Variants in NCOA2 observed in about 807,000 individuals in gnomAD.
NCOA2 encodes nuclear receptor coactivator 2, also known as class E basic helix-loop-helix protein 75.
In NCOA2, 21 loss-of-function variants were observed where a neutral mutation model predicts 145.1. The observed-to-expected ratio is 0.14, with a 90% CI of 0.10 to 0.21. NCOA2 has a LOEUF of 0.21. Ranked by LOEUF, NCOA2 falls within the 10% of genes least tolerant of loss-of-function variation. The pLI is 1.00. For missense variants in NCOA2, 1,472 were observed against 1,837.6 expected, an observed-to-expected ratio of 0.80 and a Z score of 3.64; for synonymous variants, 619 against 637.5, an observed-to-expected ratio of 0.97 and a Z score of 0.44.
Position 70,143,921 on chromosome 8 carries a change from C to T in NCOA2, c.2812+721G>A, listed in dbSNP as rs114489241. Among the ~76,000 whole-genome samples the T allele has an allele frequency of 5.9e-3, 893 of 152,306 alleles. 5 individuals carry two copies. The highest frequency in any genetic ancestry group is 0.02 in the African/African-American group (831 of 41,560). Reference sequence around the variant, plus strand: ...CTATATCCATAATAAAAATATGTTACAGGGTACAGGATGTGGATGTGGTGG... The same window carrying T: ...CTATATCCATAATAAAAATATGTTATAGGGTACAGGATGTGGATGTGGTGG... On this transcript the variant is annotated intron_variant, in intron 13 of 22. Transcript: ENST00000452400.
At chr8:70,235,782 T>C (rs1224350386) in intron 2 of NCOA2, among the ~76,000 whole-genome samples, 3 of 152,168 alleles carry the variant, frequency 2.0e-5, no homozygotes, top group Non-Finnish European at 2.9e-5. Flanking sequence ...AGATCAAGGC[T>C]GCAGTGAACT....
intron 1 of NCOA2, among the ~76,000 whole-genome samples, chr8:70,336,940 G>A (rs1169846384): frequency 1.3e-5 from 2 of 152,090 alleles, no homozygotes; most frequent in Non-Finnish European, 2.9e-5. Context: ...CATGTGAAGA[G>A]GGGAGAGGAC....
chr8:70,299,060 A>C (rs1362398455), intron 1 of NCOA2, among the ~76,000 whole-genome samples: 1 of 152,162 alleles, frequency 6.6e-6, no homozygotes, highest in Non-Finnish European at 1.5e-5. Flanking sequence ...ACTCCAACTC[A>C]AAAAACAAAC....
chr8:70,128,834 G>A lies in NCOA2; in HGVS notation c.3471C>T (p.His1157=). ...CATAACTAGGCCGCTGTCCCATGGT[G>A]TGAAAGTTTGGATCTTGCATGGGAG... ...SYSPMQDPNF[H]TMGQRPSYAT... Residue 1157 remains histidine, a synonymous_variant, in exon 17 of 23, where the codon CAC becomes CAT. Transcript: ENST00000452400. 2.5e-6 allele frequency: 4 copies of A among 1,614,044 alleles called. No individual in the cohort carries two copies. The highest frequency in any genetic ancestry group is 2.5e-6 in the Non-Finnish European group (3 of 1,179,900).
chr8:70,160,667 G>GAGAGAGAGAGAA (rs1038729882), intron 9 of NCOA2, among the ~76,000 whole-genome samples: 1 of 145,862 alleles, frequency 6.9e-6, no homozygotes, highest in Non-Finnish European at 1.5e-5. Context: ...GACAGAGAGA[G>GAGAGAGAGAGAA]AGAGAGAGAG....
At chr8:70,168,250 G>GA (rs762341054) in intron 6 of NCOA2, among the ~76,000 whole-genome samples, 3 of 152,202 alleles carry the variant, frequency 2.0e-5, no homozygotes, top group Non-Finnish European at 2.9e-5. Flanking sequence ...GAAAATTACA[G>GA]AAAAACCCAT....
chr8:70,119,264 T>C (rs1256303113), intron 22 of NCOA2, among the ~76,000 whole-genome samples: 1 of 152,222 alleles, frequency 6.6e-6, no homozygotes, highest in African/African-American at 2.4e-5. Flanking sequence ...TCTACTTCCA[T>C]GTGAACAAAT....
intron 2 of NCOA2, among the ~76,000 whole-genome samples, chr8:70,227,069 T>C (rs1457322123): frequency 6.6e-6 from 1 of 152,208 alleles, no homozygotes; most frequent in Non-Finnish European, 1.5e-5. Flanking sequence ...GCTGCCTCTT[T>C]CCCAGGAGAG....
chr8:70,203,483 T>C (rs1818134455), intron 4 of NCOA2, among the ~76,000 whole-genome samples: 1 of 151,748 alleles, frequency 6.6e-6, no homozygotes, highest in South Asian at 2.1e-4. Context: ...AAATGTACTT[T>C]ACTATAATCC....
At chr8:70,249,372 T>TTA (rs2134676218) in intron 2 of NCOA2, among the ~76,000 whole-genome samples, 1 of 152,316 alleles carries the variant, frequency 6.6e-6, no homozygotes, top group Admixed American at 6.5e-5. Flanking sequence ...AGAGGCCACT[T>TTA]TAGAGGGAGG....
chr8:70,367,859 A>G (rs1021766621), intron 1 of NCOA2, among the ~76,000 whole-genome samples: 30 of 152,248 alleles, frequency 2.0e-4, no homozygotes, highest in African/African-American at 7.2e-4. Flanking sequence ...ATTCTCAACT[A>G]TAAATGACAA....
intron 2 of NCOA2, among the ~76,000 whole-genome samples, chr8:70,232,906 C>CAT (rs757282101): frequency 5.2e-4 from 77 of 149,486 alleles, no homozygotes; most frequent in African/African-American, 1.2e-3. Flanking sequence ...CGTAGATATA[C>CAT]ATATATATAT....
intron 2 of NCOA2, chr8:70,273,541 G>T (rs1825235138): frequency 2.7e-6 from 2 of 739,914 alleles, no homozygotes; most frequent in African/African-American, 1.7e-5. Flanking sequence ...TTGAAGAGGT[G>T]AATATGTTTA....
intron 5 of NCOA2, among the ~76,000 whole-genome samples, chr8:70,173,289 A>T (rs1278746537): frequency 1.3e-5 from 2 of 152,204 alleles, no homozygotes; most frequent in Admixed American, 6.5e-5. Context: ...GAAGTATCAA[A>T]AGTCTTCCCA....
At chr8:70,159,218 A>ATTATATATATATAT (rs1554578421) in intron 10 of NCOA2, among the ~76,000 whole-genome samples, 3 of 112,986 alleles carry the variant, frequency 2.7e-5, no homozygotes, top group African/African-American at 1.2e-4. Context: ...AATACAGTAT[A>ATTATATATATATAT]ACATTATATA....
At chr8:70,122,164 A>G (rs1047806091) in intron 21 of NCOA2, among the ~76,000 whole-genome samples, 2 of 152,238 alleles carry the variant, frequency 1.3e-5, no homozygotes, top group Non-Finnish European at 2.9e-5. Flanking sequence ...ATTAGGAGTC[A>G]TTAGTGGCCC....
chr8:70,437,918 CAA>C, the NCOA2 span, among the ~76,000 whole-genome samples: 2 of 152,078 alleles, frequency 1.3e-5, no homozygotes, highest in South Asian at 4.1e-4. Context: ...CTTTCTACTG[CAA>C]AGAGGTAGAA....
At chr8:70,250,666 A>T (rs2134723762) in intron 2 of NCOA2, among the ~76,000 whole-genome samples, 1 of 152,284 alleles carries the variant, frequency 6.6e-6, no homozygotes, top group East Asian at 1.9e-4. Flanking sequence ...TACAAATGTT[A>T]AAAAACAGAG....
the NCOA2 span, among the ~76,000 whole-genome samples, chr8:70,450,023 A>G: frequency 6.6e-6 from 1 of 152,162 alleles, no homozygotes; most frequent in Non-Finnish European, 1.5e-5. Flanking sequence ...TATTTTTAGA[A>G]ACCTTTCTCC....
Sources: allele counts gnomAD v4.1 joint callset (sites outside exome capture counted in the v4.1 genomes callset), GRCh38; gene constraint gnomAD v4.1.1; transcripts MANE v1.5; gene names NCBI Gene and HGNC (gene_info 2026-07-23, HGNC 2026-07-21).